PRKD2: variants seen among roughly 807,000 people sequenced by gnomAD.
The protein encoded by PRKD2 is serine/threonine-protein kinase D2.
PRKD2 carries 22 observed loss-of-function variants against 86.0 expected under a neutral mutation model. That is an observed-to-expected ratio of 0.26 (90% confidence interval 0.18 to 0.37). PRKD2 has a LOEUF of 0.37. PRKD2 is among the 10% of genes least tolerant of loss of function. The probability of loss-of-function intolerance (pLI) is 1.00; values close to 1 mark genes in which losing one functional copy is unlikely to be tolerated. For missense variants in PRKD2, 818 were observed against 1,199.2 expected, an observed-to-expected ratio of 0.68 and a Z score of 4.70; for synonymous variants, 509 against 510.9, an observed-to-expected ratio of 1.00 and a Z score of 0.05.
intron 7 of PRKD2, among the ~76,000 whole-genome samples, chr19:46,700,105 G>A (rs1396214481): frequency 2.0e-5 from 3 of 151,942 alleles, no homozygotes; most frequent in East Asian, 3.9e-4. Flanking sequence ...GGGCCTGGGC[G>A]GGTGCCTGTA....
At chr19:46,681,903 T>C (rs1242886709) in intron 14 of PRKD2, among the ~76,000 whole-genome samples, 155 bp from the exon 15 acceptor site, 1 of 150,894 alleles carries the variant, frequency 6.6e-6, no homozygotes, top group Non-Finnish European at 1.5e-5. Context: ...TGCAGTGGCA[T>C]GATCTCAGCT....
At chr19:46,687,874 A>G (rs1599818875) in intron 14 of PRKD2, among the ~76,000 whole-genome samples, 1 of 152,098 alleles carries the variant, frequency 6.6e-6, no homozygotes, top group East Asian at 1.9e-4. Context: ...CGTTTTTTCT[A>G]TTGTTTGGTT....
At chr19:46,696,386 G>A (rs2053557509) in intron 9 of PRKD2, among the ~76,000 whole-genome samples, 2 of 152,158 alleles carry the variant, frequency 1.3e-5, no homozygotes, top group Admixed American at 1.3e-4. Context: ...AAACCATCCA[G>A]GTGGAAGACA....
intron 14 of PRKD2, among the ~76,000 whole-genome samples, chr19:46,687,765 C>T (rs1299596844): frequency 6.6e-6 from 1 of 152,192 alleles, no homozygotes. Context: ...ATCCCTGTGT[C>T]CTCAACACTG....
chr19:46,710,830 C>T (rs1232179000), intron 3 of PRKD2, 77 bp downstream of exon 3: 6 of 1,432,160 alleles, frequency 4.2e-6, no homozygotes, highest in Admixed American at 4.5e-5. Context: ...CACGCTGTCC[C>T]CGTGCCAGGA....
At position 46,678,401 on chromosome 19, in the gene PRKD2, G is replaced by A. The variant is rs2053244633; in HGVS notation, c.2333C>T (p.Ala778Val). The A allele has an allele frequency of 6.2e-7, 1 of 1,614,066 alleles. No homozygotes were observed. The highest frequency in any genetic ancestry group is 8.5e-7 in the Non-Finnish European group (1 of 1,180,000). ...YPASPWSHISAGAIDLINNLL... is the reference protein window; with the variant it reads ...YPASPWSHISVGAIDLINNLL... ...GGTAGGCGGGCCCCAGGCACCTCCA[G>A]CTGAGATGTGGCTCCAGGGGCTGGC... Residue 778 changes from alanine (A) to valine (V), a missense_variant, in exon 16 of 18, where the codon GCT (alanine) becomes GTT (valine). Coordinates refer to ENST00000291281, the MANE Select transcript of PRKD2 (RefSeq NM_016457.5). This position sits in a 1 kb window ranked among gnomAD's most constrained non-coding sequence, Gnocchi z 5.7.
At chr19:46,685,481 G>A (rs184539602) in intron 14 of PRKD2, 1 of 152,456 alleles carries the variant, frequency 6.6e-6, no homozygotes, top group East Asian at 1.9e-4. Flanking sequence ...CTTAGCACAG[G>A]GCTTAGGTGT....
intron 15 of PRKD2, 57 bp downstream of exon 15, chr19:46,681,593 C>CA: frequency 1.3e-6 from 1 of 747,532 alleles, no homozygotes; most frequent in South Asian, 1.8e-5. Flanking sequence ...TCCCCACCCC[C>CA]ACCCCGGCCA....
At chr19:46,706,892 C>CT (rs574385292) in intron 3 of PRKD2, among the ~76,000 whole-genome samples, 3,241 of 134,192 alleles carry the variant, frequency 0.024, 97 homozygotes, top group African/African-American at 0.066. Context: ...AACTGGATTT[C>CT]TTTTTTTTTT....
At chr19:46,682,227 C>G (rs1599813108) in intron 14 of PRKD2, among the ~76,000 whole-genome samples, 6 of 152,164 alleles carry the variant, frequency 3.9e-5, no homozygotes, top group Admixed American at 3.3e-4. Flanking sequence ...AGGCTGGTCT[C>G]AAACTCCTGA....
At chr19:46,690,997 G>A (rs314672) in intron 12 of PRKD2, among the ~76,000 whole-genome samples, 108,293 of 152,038 alleles carry the variant, frequency 0.71, 38,904 homozygotes, top group African/African-American at 0.78. Context: ...TGTGTGACCC[G>A]TAAGAGTCCT....
At chr19:46,695,347 T>G (rs1050465526) in intron 9 of PRKD2, among the ~76,000 whole-genome samples, 2 of 152,194 alleles carry the variant, frequency 1.3e-5, no homozygotes, top group African/African-American at 4.8e-5. Context: ...TAGCCAGGCG[T>G]GGTGGCACAC....
intron 1 of PRKD2, chr19:46,714,301 G>A: frequency 4.3e-6 from 5 of 1,168,020 alleles, no homozygotes; most frequent in Non-Finnish European, 5.3e-6. Flanking sequence ...ACCTGGCGGA[G>A]GTGGGAGGGG....
rs558315638 is a variant in PRKD2, at chr19:46,680,327, G to T, written c.2070+1323C>A. Reference sequence around the variant, plus strand: ...TTTTTGAGACGAGTCTTGGTCTGTCGTCCAGGCTGGAGTGCAGTGGTGTGA... The same window carrying T: ...TTTTTGAGACGAGTCTTGGTCTGTCTTCCAGGCTGGAGTGCAGTGGTGTGA... On this transcript the variant is annotated intron_variant, in intron 15 of 17. Coordinates refer to ENST00000291281, the MANE Select transcript of PRKD2 (RefSeq NM_016457.5). 2.0e-5 allele frequency among the ~76,000 whole-genome samples: 3 copies of T among 151,762 alleles called. No individual in the cohort carries two copies. In the South Asian group the frequency reaches 6.2e-4, roughly 32 times the overall value.
At chr19:46,690,495 A>G in intron 13 of PRKD2, 105 bp downstream of exon 13, 1 of 957,344 alleles carries the variant, frequency 1.0e-6, no homozygotes, top group Non-Finnish European at 1.7e-6. Context: ...TTCAGTCTCA[A>G]CATGCACATG....
intron 2 of PRKD2, among the ~76,000 whole-genome samples, chr19:46,712,104 G>A (rs1010719842): frequency 6.6e-6 from 1 of 150,682 alleles, no homozygotes; most frequent in African/African-American, 2.4e-5. Context: ...GTGTGGTGGT[G>A]CATGCCTGTA....
intron 9 of PRKD2, among the ~76,000 whole-genome samples, chr19:46,696,659 G>A (rs1271017925): frequency 1.3e-5 from 2 of 152,206 alleles, no homozygotes; most frequent in African/African-American, 4.8e-5. Flanking sequence ...GGAGGCTGAG[G>A]CAGGAGAATC....
chr19:46,715,787 C>T (rs1043515925), intron 1 of PRKD2, among the ~76,000 whole-genome samples: 9 of 151,890 alleles, frequency 5.9e-5, no homozygotes, highest in African/African-American at 1.7e-4. Context: ...ATGGGAGGCC[C>T]GGGATGGGCC....
At position 46,674,587 on chromosome 19, in the gene PRKD2, C is replaced by T; in HGVS notation, c.2573G>A (p.Gly858Asp). ...GSGLPTDRDL[G>D]GACPPQDHDM... ...GTGGTCCTGTGGTGGACAGGCCCCA[C>T]CGAGATCCCTGTCCGTGGGCAGCCC... Residue 858 changes from glycine to aspartate, a missense_variant, in exon 18 of 18, where the codon GGT (glycine) becomes GAT (aspartate). Around this residue, in one of 5 missense-constraint regions of PRKD2, gnomAD observed 132 missense variants for 146.2 expected, o/e 0.90. Coordinates refer to ENST00000291281, the MANE Select transcript of PRKD2 (RefSeq NM_016457.5). 3 of 1,611,452 alleles carry T rather than the reference C, an allele frequency of 1.9e-6. No individual in the cohort carries two copies. The highest frequency in any genetic ancestry group is 4.5e-5 in the East Asian group (2 of 44,868).
Sources: gnomAD v4.1 joint callset for allele counts (sites outside exome capture counted in the v4.1 genomes callset) on GRCh38, gnomAD v4.1.1 for gene constraint, gnomAD v4.1.1 regional missense constraint, Gnocchi (gnomAD v3.1) non-coding constraint, MANE v1.5 for transcripts, NCBI Gene and HGNC (gene_info 2026-07-23, HGNC 2026-07-21) for gene names.